EYA3: variants seen among roughly 807,000 people sequenced by gnomAD.
EYA3 encodes protein phosphatase EYA3.
EYA3 carries 39 observed loss-of-function variants against 80.0 expected under a neutral mutation model. The observed-to-expected ratio is 0.49, with a 90% CI of 0.38 to 0.64. The LOEUF is 0.64. EYA3 is among the 30% of genes least tolerant of loss of function. EYA3 has a pLI of 0.00. For missense variants in EYA3, 523 were observed against 676.1 expected (o/e 0.77, Z 2.51); for synonymous variants, 206 against 232.8 (o/e 0.88, Z 1.05).
chr1:27,995,640 G>A (rs1276826541), intron 13 of EYA3, among the ~76,000 whole-genome samples: 1 of 151,762 alleles, frequency 6.6e-6, no homozygotes, highest in African/African-American at 2.4e-5. Flanking sequence ...GGGGGCTGGG[G>A]TGGGAGGATT....
chr1:27,979,955 T>A (rs1639186230), intron 16 of EYA3, among the ~76,000 whole-genome samples: 1 of 152,212 alleles, frequency 6.6e-6, no homozygotes, highest in African/African-American at 2.4e-5. Context: ...TTTGACATCC[T>A]TAACCCAGTG....
Position 28,007,101 on chromosome 1 carries a change from C to T in EYA3, c.910-2682G>A, listed in dbSNP as rs189872651. Among the ~76,000 whole-genome samples the T allele has an allele frequency of 2.8e-3, 429 of 151,506 alleles. 5 individuals are homozygous for T. The highest frequency in any genetic ancestry group is 0.025 in the Admixed American group (377 of 15,184). On this transcript the variant is annotated intron_variant, in intron 10 of 17. Transcript: ENST00000373871. Reference sequence around the variant, plus strand: ...GATTACAGGTGTGCACCACCAGGTCCGGCTAATTTTTTTTTATTTTTGTAC... The same window carrying T: ...GATTACAGGTGTGCACCACCAGGTCTGGCTAATTTTTTTTTATTTTTGTAC...
chr1:27,999,668 G>A (rs1289612306), intron 12 of EYA3, among the ~76,000 whole-genome samples: 2 of 152,088 alleles, frequency 1.3e-5, no homozygotes, highest in African/African-American at 4.8e-5. Flanking sequence ...TGGTTTATAT[G>A]TCAGTGTTTT....
At chr1:28,061,165 T>A (rs1311160097) in intron 1 of EYA3, among the ~76,000 whole-genome samples, 4 of 152,218 alleles carry the variant, frequency 2.6e-5, no homozygotes, top group Non-Finnish European at 5.9e-5. Context: ...ACTGGCAACA[T>A]ACAATGTGTG....
intron 1 of EYA3, among the ~76,000 whole-genome samples, chr1:28,061,129 T>C (rs992491073): frequency 3.3e-5 from 5 of 152,354 alleles, no homozygotes; most frequent in South Asian, 2.1e-4. Context: ...AAGGAAAGAA[T>C]AGATTACAAA....
chr1:28,058,362 T>C (rs190840853), intron 1 of EYA3, among the ~76,000 whole-genome samples: 170 of 152,310 alleles, frequency 1.1e-3, no homozygotes, highest in African/African-American at 4.0e-3. Context: ...GCATTGAACA[T>C]TTTACAATGA....
intron 3 of EYA3, among the ~76,000 whole-genome samples, chr1:28,043,094 C>T (rs1163709832): frequency 6.6e-6 from 1 of 152,142 alleles, no homozygotes; most frequent in Non-Finnish European, 1.5e-5. Context: ...CCACCCACCT[C>T]AGCCTCCCAA....
In EYA3 at chr1:27,974,336, A is replaced by G; in HGVS notation, c.*130T>C. On this transcript the variant is annotated 3_prime_UTR_variant, in exon 18 of 18. Transcript: ENST00000373871. ...GAGGGAGAGAGGGAGAGAGAGAAAG[A>G]GAGAAAGAGAGAGAGATAGAGACAG... 1 of 562,698 alleles carries G rather than the reference A, an allele frequency of 1.8e-6. No individual in the cohort carries two copies. Among genetic ancestry groups the G allele is most frequent in the East Asian group, 2.9e-5 (1 of 34,332 alleles). The allele number at this position is 562,698 out of a possible 1,614,324, so 34.9% of individuals were successfully genotyped here.
chr1:28,057,901 T>A (rs1644489153), intron 2 of EYA3, 93 bp downstream of exon 2: 1 of 673,778 alleles, frequency 1.5e-6, no homozygotes, highest in African/African-American at 1.8e-5. Flanking sequence ...TTATTTTTAT[T>A]TCTAATTTGG....
chr1:28,035,242 A>G (rs1427110575), intron 6 of EYA3, among the ~76,000 whole-genome samples: 1 of 152,192 alleles, frequency 6.6e-6, no homozygotes, highest in Non-Finnish European at 1.5e-5. Flanking sequence ...ATGCTTTCCT[A>G]ATGATAGTAC....
chr1:28,017,610 C>T (rs1157378525), intron 7 of EYA3, among the ~76,000 whole-genome samples: 1 of 152,180 alleles, frequency 6.6e-6, no homozygotes, highest in East Asian at 1.9e-4. Context: ...TACTGTAAAG[C>T]AGTAGAACTC....
intron 1 of EYA3, among the ~76,000 whole-genome samples, chr1:28,074,172 A>G (rs1645125019): frequency 6.6e-6 from 1 of 152,200 alleles, no homozygotes; most frequent in Admixed American, 6.5e-5. Context: ...TTAAGGTCAA[A>G]TTGTATAAAT....
chr1:28,035,739 G>A (rs369329949), intron 5 of EYA3, 59 bp from the exon 6 acceptor site: 5 of 1,514,678 alleles, frequency 3.3e-6, no homozygotes. Context: ...ACGAAAAATA[G>A]GTAAAATAGC....
chr1:28,057,855 C>A, intron 2 of EYA3, 139 bp downstream of exon 2: 1 of 507,560 alleles, frequency 2.0e-6, no homozygotes. Context: ...AAAAATATAA[C>A]ATTGTTTTCT....
chr1:28,079,531 A>G (rs1366441064), intron 1 of EYA3, among the ~76,000 whole-genome samples: 1 of 152,162 alleles, frequency 6.6e-6, no homozygotes, highest in East Asian at 1.9e-4. Context: ...AAGGACCTAA[A>G]CTTTGGACTG....
chr1:28,002,312 G>C (rs1640919616), intron 11 of EYA3, among the ~76,000 whole-genome samples: 1 of 151,832 alleles, frequency 6.6e-6, no homozygotes, highest in South Asian at 2.1e-4. Flanking sequence ...GCCTCCCAAA[G>C]TGCTGGGATT....
At chr1:27,986,101 C>G (rs867944319) in intron 16 of EYA3, among the ~76,000 whole-genome samples, 6 of 152,088 alleles carry the variant, frequency 3.9e-5, no homozygotes, top group Non-Finnish European at 7.4e-5. Flanking sequence ...TGCGGTGGCT[C>G]ATGCCTGTAA....
intron 1 of EYA3, among the ~76,000 whole-genome samples, chr1:28,063,704 G>A (rs1286160583): frequency 6.6e-6 from 1 of 152,126 alleles, no homozygotes; most frequent in Admixed American, 6.6e-5. Flanking sequence ...TTTGAATTAT[G>A]AATTCAAAGA....
chr1:27,996,979 T>C (rs1310187615), intron 13 of EYA3, among the ~76,000 whole-genome samples: 2 of 152,188 alleles, frequency 1.3e-5, no homozygotes, highest in African/African-American at 4.8e-5. Context: ...GCCTCGCGCT[T>C]CTAAGATGCT....
Sources: allele counts gnomAD v4.1 joint callset (sites outside exome capture counted in the v4.1 genomes callset), GRCh38; gene constraint gnomAD v4.1.1; transcripts MANE v1.5; gene names NCBI Gene and HGNC (gene_info 2026-07-23, HGNC 2026-07-21).